C1orf54: variants seen among roughly 807,000 people sequenced by gnomAD.
C1orf54 encodes chromosome 1 open reading frame 54.
A neutral mutation model predicts 14.7 loss-of-function variants in C1orf54; 12 were observed. The observed-to-expected ratio is 0.82, with a 90% CI of 0.52 to 1.32. C1orf54 has a LOEUF of 1.32. Among genes scored for constraint, C1orf54 ranks in the 40% most tolerant of loss-of-function variants. C1orf54 has a pLI of 0.00. For synonymous variants in C1orf54, 65 were observed against 56.3 expected, an observed-to-expected ratio of 1.16 and a Z score of -0.70; for missense variants, 163 against 162.2, an observed-to-expected ratio of 1.00 and a Z score of -0.03.
At chr1:150,273,461 T>C (rs1187604068) in intron 1 of C1orf54, among the ~76,000 whole-genome samples, 1 of 152,142 alleles carries the variant, frequency 6.6e-6, no homozygotes, top group African/African-American at 2.4e-5. Flanking sequence ...CTCAGGGAAG[T>C]GTTTAGCAGG....
chr1:150,279,556 G>C (rs886822764), intron 4 of C1orf54, 87 bp from the exon 5 acceptor site: 21 of 1,181,918 alleles, frequency 1.8e-5, no homozygotes, highest in Non-Finnish European at 2.4e-5. Flanking sequence ...TTGTTGTAAA[G>C]AGGTGGCAGT....
upstream of C1orf54, chr1:150,268,834 T>TG (rs782206286): frequency 1.3e-6 from 2 of 1,586,918 alleles, no homozygotes; most frequent in Middle Eastern, 1.7e-4. Flanking sequence ...GGAAGGGGGG[T>TG]GGGGGCCTGA....
chr1:150,274,153 C>T lies in C1orf54; in HGVS notation c.113C>T (p.Thr38Ile), dbSNP rs1553851907. 4 of 1,609,816 alleles carry T rather than the reference C, an allele frequency of 2.5e-6. No individual in the cohort carries two copies. The highest frequency in any genetic ancestry group is 1.1e-5 in the South Asian group (1 of 90,994). ...TATTATCAGGTGGTCTATTATTATA[C>T]AGTCACCCCCAGTTATGGTGAGTAC... ...DEYYQVVYYY[T>I]VTPSYDDFSA... The change falls in exon 2 of 6, where the codon ACA becomes ATA. Residue 38 changes from threonine (T) to isoleucine (I), a missense_variant. By Grantham distance (89) the Thr-to-Ile change is moderately conservative. Coordinates refer to ENST00000369099, the MANE Select transcript of C1orf54 (RefSeq NM_024579.4).
upstream of C1orf54, among the ~76,000 whole-genome samples, chr1:150,271,011 A>AAG (rs1299431176): frequency 2.0e-5 from 3 of 151,320 alleles, no homozygotes; most frequent in Middle Eastern, 3.4e-3. Context: ...AAAAAAAAAA[A>AAG]AAATTAAGAG....
At chr1:150,276,495 G>C in intron 3 of C1orf54, 27 bp from the exon 4 acceptor site, 1 of 1,568,486 alleles carries the variant, frequency 6.4e-7, no homozygotes, top group Non-Finnish European at 8.8e-7. Flanking sequence ...TGATAACTCT[G>C]TGTTTCCCAA....
At chr1:150,276,423 G>A (rs769786500) in intron 3 of C1orf54, 99 bp from the exon 4 acceptor site, 11 of 909,642 alleles carry the variant, frequency 1.2e-5, no homozygotes, top group Admixed American at 1.9e-5. Flanking sequence ...TTTGGGCTGG[G>A]TGGAGGTGGT....
intron 3 of C1orf54, 123 bp downstream of exon 3, chr1:150,275,922 A>T: frequency 6.3e-6 from 5 of 788,024 alleles, no homozygotes; most frequent in Non-Finnish European, 6.0e-6. Context: ...GGATCATTTG[A>T]GGTCAAGAGT....
chr1:150,270,510 G>A (rs1250839652), upstream of C1orf54, among the ~76,000 whole-genome samples: 1 of 152,074 alleles, frequency 6.6e-6, no homozygotes, highest in Non-Finnish European at 1.5e-5. Flanking sequence ...AGGCATGGTG[G>A]TGCGCACCTG....
chr1:150,274,253 T>C, intron 2 of C1orf54, 83 bp downstream of exon 2: 2 of 1,069,088 alleles, frequency 1.9e-6, no homozygotes, highest in South Asian at 1.3e-5. Context: ...CTCTTCACTT[T>C]GAAGCAGAGC....
chr1:150,268,885 C>A (rs1651997848), upstream of C1orf54: 2 of 1,374,034 alleles, frequency 1.5e-6, no homozygotes, highest in Non-Finnish European at 1.0e-6. Context: ...GCTGGGGAGT[C>A]CGCGTGGGGT....
At chr1:150,280,020 A>T (rs1272267379) in intron 5 of C1orf54, among the ~76,000 whole-genome samples, 6 of 152,202 alleles carry the variant, frequency 3.9e-5, no homozygotes, top group African/African-American at 1.4e-4. Flanking sequence ...AAAAAAATTA[A>T]AAATAAATAA....
intron 2 of C1orf54, 115 bp from the exon 3 acceptor site, chr1:150,275,626 C>A: frequency 2.7e-6 from 2 of 744,992 alleles, no homozygotes; most frequent in South Asian, 2.1e-5. Context: ...TTGGATTATA[C>A]CAATAAATGT....
chr1:150,268,933 C>A, upstream of C1orf54: 1 of 762,018 alleles, frequency 1.3e-6, no homozygotes, highest in Non-Finnish European at 2.1e-6. Flanking sequence ...TGCAATGTCA[C>A]CCCCAGACCC....
intron 4 of C1orf54, among the ~76,000 whole-genome samples, chr1:150,277,452 G>A (rs914058340): frequency 7.7e-6 from 1 of 130,534 alleles, no homozygotes; most frequent in South Asian, 2.6e-4. Context: ...GCAGTGAGCC[G>A]AGATCACGCC....
At chr1:150,270,014 G>GC (rs1467425912), upstream of C1orf54, among the ~76,000 whole-genome samples, 1 of 152,200 alleles carries the variant, frequency 6.6e-6, no homozygotes, top group Non-Finnish European at 1.5e-5. Context: ...TACAGCCTGG[G>GC]CAACGGAGTG....
chr1:150,276,659 G>C (rs782813326), intron 4 of C1orf54, 27 bp downstream of exon 4: 15 of 1,562,346 alleles, frequency 9.6e-6, no homozygotes, highest in African/African-American at 4.1e-5. Context: ...TTGGGGGCTG[G>C]GGGGAGACAG....
At chr1:150,277,887 C>T (rs1456352648) in intron 4 of C1orf54, among the ~76,000 whole-genome samples, 2 of 152,126 alleles carry the variant, frequency 1.3e-5, no homozygotes, top group South Asian at 2.1e-4. Context: ...CACCTGAAGT[C>T]GGGAGTTCGA....
At chr1:150,273,869 A>G (rs921411710) in intron 1 of C1orf54, among the ~76,000 whole-genome samples, 1 of 152,164 alleles carries the variant, frequency 6.6e-6, no homozygotes, top group African/African-American at 2.4e-5. Flanking sequence ...TTGAAAGGGC[A>G]CGGAGTAACA....
At chr1:150,275,627 C>A in intron 2 of C1orf54, 114 bp from the exon 3 acceptor site, 1 of 749,788 alleles carries the variant, frequency 1.3e-6, no homozygotes, top group Non-Finnish European at 2.1e-6. Flanking sequence ...TGGATTATAC[C>A]AATAAATGTT....
Sources: gnomAD v4.1 joint callset for allele counts (sites outside exome capture counted in the v4.1 genomes callset) on GRCh38, gnomAD v4.1.1 for gene constraint, MANE v1.5 for transcripts, NCBI Gene and HGNC (gene_info 2026-07-23, HGNC 2026-07-21) for gene names.